Variants in MAP2K6 observed in about 807,000 individuals in gnomAD.
MAP2K6 encodes the protein dual specificity mitogen-activated protein kinase kinase 6.
MAP2K6 carries 16 observed loss-of-function variants against 53.7 expected under a neutral mutation model. The ratio of observed to expected loss-of-function variants is 0.30; its 90% CI spans 0.20 to 0.45. The LOEUF (loss-of-function observed/expected upper bound fraction) is 0.45, where lower values mean the gene tolerates loss of function less well. Among genes scored for constraint, MAP2K6 ranks in the 20% least tolerant of loss-of-function variants. The pLI, the probability that MAP2K6 is intolerant of heterozygous loss-of-function variation, is 1.00. For missense variants in MAP2K6, 204 were observed against 411.9 expected, an observed-to-expected ratio of 0.50 and a Z score of 4.37; for synonymous variants, 132 against 143.1, an observed-to-expected ratio of 0.92 and a Z score of 0.55.
chr17:69,454,903 G>A (rs1021334969), intron 1 of MAP2K6, among the ~76,000 whole-genome samples: 20 of 152,076 alleles, frequency 1.3e-4, no homozygotes, highest in African/African-American at 1.4e-4. Context: ...TACAAACATC[G>A]TTCTTTTCGT....
rs1911648733 is a variant in MAP2K6, at chr17:69,541,759, A to G, written c.*6A>G. On this transcript the variant is annotated 3_prime_UTR_variant, in exon 12 of 12. Transcript: ENST00000590474. ...AACTGATTCTTGGAGACTAAAAAGC[A>G]GTGGACTTAATCGGTTGACCCTACT... is the stretch of plus-strand genomic sequence containing the variant. 2 of 1,610,168 alleles carry G rather than the reference A, an allele frequency of 1.2e-6. No individual in the cohort carries two copies. The highest frequency in any genetic ancestry group is 4.5e-5 in the East Asian group (2 of 44,774).
At position 69,491,021 on chromosome 17, in the gene MAP2K6, C is replaced by T. The variant is rs551850574; in HGVS notation, c.17-14759C>T. Among the ~76,000 whole-genome samples the T allele has an allele frequency of 2.0e-5, 3 of 152,272 alleles. No individual in the cohort carries two copies. In the South Asian group the frequency reaches 6.2e-4, roughly 32 times the overall value. On this transcript the variant is annotated intron_variant, in intron 1 of 11. Transcript: ENST00000590474. ...TTGCTAAAGATAATATCCTCCAGCT[C>T]CACCCATATTCCTGCAAAGGATGTG...
At chr17:69,436,891 C>T (rs1476345202) in intron 1 of MAP2K6, among the ~76,000 whole-genome samples, 2 of 151,592 alleles carry the variant, frequency 1.3e-5, no homozygotes, top group Admixed American at 6.6e-5. Flanking sequence ...ATGGTATGAT[C>T]TCGGTTCACT....
chr17:69,460,245 G>C (rs915250085), intron 1 of MAP2K6, among the ~76,000 whole-genome samples: 3 of 152,184 alleles, frequency 2.0e-5, no homozygotes, highest in African/African-American at 7.2e-5. Flanking sequence ...CCAGTGGTGA[G>C]GGGAGGGTGT....
At chr17:69,519,573 A>G in intron 5 of MAP2K6, 141 bp downstream of exon 5, 4 of 944,612 alleles carry the variant, frequency 4.2e-6, no homozygotes, top group Non-Finnish European at 6.4e-6. Context: ...GTGTGCAATG[A>G]TGACATGCCC....
chr17:69,484,908 A>G (rs963805127), intron 1 of MAP2K6, among the ~76,000 whole-genome samples: 9 of 152,226 alleles, frequency 5.9e-5, no homozygotes, highest in African/African-American at 2.2e-4. Context: ...AGTAGTTGCC[A>G]GGGGCTAGAG....
intron 1 of MAP2K6, among the ~76,000 whole-genome samples, chr17:69,496,194 C>A (rs542201408): frequency 6.6e-6 from 1 of 151,812 alleles, no homozygotes; most frequent in African/African-American, 2.4e-5. Flanking sequence ...CTGGCTCATT[C>A]TTCTTTGACA....
intron 1 of MAP2K6, among the ~76,000 whole-genome samples, chr17:69,439,246 T>C (rs1906741682): frequency 6.6e-6 from 1 of 152,230 alleles, no homozygotes; most frequent in South Asian, 2.1e-4. Flanking sequence ...CATCTCTCCC[T>C]GCCCTCTCTC....
intron 1 of MAP2K6, among the ~76,000 whole-genome samples, chr17:69,456,255 G>A (rs1907408071): frequency 6.6e-6 from 1 of 152,200 alleles, no homozygotes; most frequent in African/African-American, 2.4e-5. Context: ...GGCTGTGGCT[G>A]GTCTGGAGCG....
At chr17:69,541,529 C>A in intron 11 of MAP2K6, 147 bp from the exon 12 acceptor site, 1 of 485,508 alleles carries the variant, frequency 2.1e-6, no homozygotes. Flanking sequence ...TAGATGTGTG[C>A]TTGATTTTGG....
rs140212306 is a variant in MAP2K6 at position 69,494,993 on chromosome 17, G to A, written c.17-10787G>A. On this transcript the variant is annotated intron_variant, in intron 1 of 11. Coordinates refer to ENST00000590474, the MANE Select transcript of MAP2K6 (RefSeq NM_002758.4). The surrounding 1 kb of genome is among the most constrained non-coding windows in gnomAD (Gnocchi z 4.2). The stretch of plus-strand genomic sequence containing the variant: ...GCACTCCAGCCTGGGCAACAAGAGC[G>A]AAACTCTGTCTAGAAAAAAAACCAA... Among the ~76,000 whole-genome samples, 721 of 149,272 alleles carry A rather than the reference G, an allele frequency of 4.8e-3. 7 individuals carry two copies. Among genetic ancestry groups the A allele is most frequent in the African/African-American group, 0.017 (678 of 40,614 alleles).
intron 1 of MAP2K6, among the ~76,000 whole-genome samples, chr17:69,478,998 T>TA (rs1908256285): frequency 6.6e-6 from 1 of 152,162 alleles, no homozygotes; most frequent in Non-Finnish European, 1.5e-5. Context: ...CTTAGATGCA[T>TA]ATTGAATGTG....
At chr17:69,456,847 A>G (rs1399551018) in intron 1 of MAP2K6, among the ~76,000 whole-genome samples, 6 of 152,084 alleles carry the variant, frequency 3.9e-5, no homozygotes, top group Admixed American at 3.3e-4. Context: ...ACTGCTGCTG[A>G]CTATCTTCCT....
chr17:69,455,128 C>T (rs772748292), intron 1 of MAP2K6, among the ~76,000 whole-genome samples: 4 of 151,554 alleles, frequency 2.6e-5, no homozygotes, highest in Non-Finnish European at 5.9e-5. Context: ...CCTATTGCAA[C>T]TTCCCAAGCT....
chr17:69,444,219 C>T (rs181544756), intron 1 of MAP2K6, among the ~76,000 whole-genome samples: 12 of 152,104 alleles, frequency 7.9e-5, no homozygotes, highest in East Asian at 1.9e-4. Flanking sequence ...CTGTGGTTCA[C>T]TGTGTGATAT....
intron 1 of MAP2K6, among the ~76,000 whole-genome samples, chr17:69,475,423 C>T (rs1466429954): frequency 6.6e-6 from 1 of 152,142 alleles, no homozygotes; most frequent in Non-Finnish European, 1.5e-5. Flanking sequence ...CCGTCTCGGC[C>T]TCCCAAAGTG....
chr17:69,521,801 A>C (rs987467716), intron 7 of MAP2K6: 2 of 131,580 alleles, frequency 1.5e-5, no homozygotes, highest in Admixed American at 7.8e-5. Context: ...AGTAAGATAA[A>C]TGTACAAAAA....
intron 2 of MAP2K6, among the ~76,000 whole-genome samples, chr17:69,511,643 A>G (rs1304568472): frequency 6.6e-6 from 1 of 152,214 alleles, no homozygotes; most frequent in African/African-American, 2.4e-5. Context: ...ATGTGAACAA[A>G]CAGAACGATG....
intron 1 of MAP2K6, 130 bp downstream of exon 1, chr17:69,415,130 C>T (rs1905856886): frequency 1.2e-6 from 1 of 826,006 alleles, no homozygotes; most frequent in Non-Finnish European, 2.0e-6. Context: ...GTTGCATTTC[C>T]TGTTTAGTAT....
Sources: gnomAD v4.1 joint callset for allele counts (sites outside exome capture counted in the v4.1 genomes callset) on GRCh38, gnomAD v4.1.1 for gene constraint, Gnocchi (gnomAD v3.1) non-coding constraint, MANE v1.5 for transcripts, NCBI Gene and HGNC (gene_info 2026-07-23, HGNC 2026-07-21) for gene names.